The following RNGTT variants were observed in gnomAD, a reference collection of about 807,000 sequenced individuals.
The protein encoded by RNGTT is mRNA-capping enzyme.
In RNGTT, 33 loss-of-function variants were observed where a neutral mutation model predicts 79.3. The observed-to-expected ratio is 0.42, with a 90% CI of 0.32 to 0.56. RNGTT has a LOEUF of 0.56. Ranked by LOEUF, RNGTT falls within the 20% of genes least tolerant of loss-of-function variation. RNGTT has a pLI of 0.17. For missense variants in RNGTT, 497 were observed against 739.1 expected (o/e 0.67, Z 3.80); for synonymous variants, 222 against 235.9 (o/e 0.94, Z 0.54).
intron 8 of RNGTT, among the ~76,000 whole-genome samples, chr6:88,872,675 G>A (rs775639724): frequency 6.6e-6 from 1 of 152,072 alleles, no homozygotes; most frequent in Non-Finnish European, 1.5e-5. Context: ...GGTAATTTTA[G>A]GGTAATTTAT....
chr6:88,852,251 T>C (rs1055527803), intron 9 of RNGTT, among the ~76,000 whole-genome samples: 31 of 152,086 alleles, frequency 2.0e-4, no homozygotes, highest in African/African-American at 7.2e-4. Context: ...CTCTAAGCAA[T>C]ACCCGTACTC....
At chr6:88,668,230 C>T (rs1483903965) in intron 14 of RNGTT, among the ~76,000 whole-genome samples, 1 of 152,152 alleles carries the variant, frequency 6.6e-6, no homozygotes, top group Non-Finnish European at 1.5e-5. Flanking sequence ...CCACTCCCAC[C>T]ACCATGAAGG....
intron 14 of RNGTT, among the ~76,000 whole-genome samples, chr6:88,644,155 A>C (rs984524751): frequency 8.5e-5 from 13 of 152,210 alleles, no homozygotes; most frequent in Non-Finnish European, 1.6e-4. Flanking sequence ...CACAATAAAA[A>C]ATGACAAAGG....
At chr6:88,621,515 A>C in intron 14 of RNGTT, among the ~76,000 whole-genome samples, 1 of 151,944 alleles carries the variant, frequency 6.6e-6, no homozygotes, top group South Asian at 2.1e-4. Context: ...CCACCTCCCC[A>C]AAAACAAAAT....
intron 8 of RNGTT, among the ~76,000 whole-genome samples, chr6:88,885,582 A>G (rs1188396964): frequency 6.6e-6 from 1 of 152,234 alleles, no homozygotes; most frequent in African/African-American, 2.4e-5. Flanking sequence ...TAACTGTTTC[A>G]GGTAAGAATC....
At chr6:88,653,747 A>G (rs1773878270) in intron 14 of RNGTT, among the ~76,000 whole-genome samples, 2 of 152,188 alleles carry the variant, frequency 1.3e-5, no homozygotes, top group Admixed American at 1.3e-4. Context: ...AACAAAGCCC[A>G]CTTGGCTTTC....
At chr6:88,899,967 C>A (rs1562309984) in intron 6 of RNGTT, among the ~76,000 whole-genome samples, 1 of 152,144 alleles carries the variant, frequency 6.6e-6, no homozygotes, top group Non-Finnish European at 1.5e-5. Flanking sequence ...AAACTAAAGT[C>A]TAGTTTCTAA....
chr6:88,940,265 G>C lies in RNGTT; in HGVS notation c.174+806C>G, dbSNP rs1234596898. 2.0e-5 allele frequency among the ~76,000 whole-genome samples: 3 copies of C among 151,922 alleles called. No individual in the cohort carries two copies. In the East Asian group the frequency reaches 5.8e-4, roughly 29 times the overall value. On this transcript the variant is annotated intron_variant, in intron 2 of 15. Coordinates refer to ENST00000369485, the MANE Select transcript of RNGTT (RefSeq NM_003800.5). ...GGCTAATTTTTGTATTTTTAGTAGA[G>C]ACAGGTTTTTGCCATGTTGGCCAGG...
chr6:88,826,850 G>A (rs1485220634), intron 11 of RNGTT, among the ~76,000 whole-genome samples: 2 of 143,818 alleles, frequency 1.4e-5, no homozygotes, highest in East Asian at 2.0e-4. Flanking sequence ...ATATATGTGT[G>A]TGTGTATATA....
intron 14 of RNGTT, among the ~76,000 whole-genome samples, chr6:88,658,982 C>A (rs147407990): frequency 1.3e-5 from 2 of 152,216 alleles, no homozygotes; most frequent in Non-Finnish European, 2.9e-5. Context: ...AGCTTGCAGA[C>A]GGCCTATTGT....
rs998193362 is a variant in RNGTT, at chr6:88,899,276, T to C, written c.684+5439A>G. Among the ~76,000 whole-genome samples the C allele has an allele frequency of 2.0e-5, 3 of 152,028 alleles. No individual in the cohort carries two copies. In the East Asian group the frequency reaches 5.8e-4, roughly 29 times the overall value. ...AGAGAAAGAAGGTTTCGGCTTTTTT[T>C]TTTTGAGACAGCCTATCACTCTGTC... On this transcript the variant is annotated intron_variant, in intron 6 of 15. Coordinates refer to ENST00000369485, the MANE Select transcript of RNGTT (RefSeq NM_003800.5).
rs1772083518 is a variant in RNGTT at position 88,612,857 on chromosome 6, A to G, written c.1656T>C (p.Pro552=). 7 of 1,613,882 alleles carry G rather than the reference A, an allele frequency of 4.3e-6. No homozygotes were observed. In the African/African-American group the frequency reaches 6.7e-5, roughly 15 times the overall value. The change falls in exon 16 of 16, where the codon CCT becomes CCC. Residue 552 remains proline (P), a synonymous_variant. Coordinates refer to ENST00000369485, the MANE Select transcript of RNGTT (RefSeq NM_003800.5). ...ACTCAAACAGCATCTCCTTGGTGAC[A>G]GGGTTTGAGATGCTGTTACACACAG... The part of the protein sequence containing the change: ...AMAVCNSISN[P]VTKEMLFEFI...
chr6:88,840,637 G>A (rs114610544), intron 11 of RNGTT, among the ~76,000 whole-genome samples: 3,165 of 152,238 alleles, frequency 0.021, 124 homozygotes, highest in African/African-American at 0.07. Context: ...GGGCACAAGC[G>A]ATCCAAGTGC....
At chr6:88,930,603 T>G (rs886807057) in intron 2 of RNGTT, among the ~76,000 whole-genome samples, 1 of 152,050 alleles carries the variant, frequency 6.6e-6, no homozygotes. Flanking sequence ...CACACATTCA[T>G]AAAAAATGTC....
At chr6:88,734,220 T>C (rs1777209668) in intron 13 of RNGTT, among the ~76,000 whole-genome samples, 2 of 152,070 alleles carry the variant, frequency 1.3e-5, no homozygotes, top group Non-Finnish European at 2.9e-5. Context: ...GCACAAGCAC[T>C]ACCCACAAAG....
At chr6:88,694,894 A>T (rs941285519) in intron 13 of RNGTT, among the ~76,000 whole-genome samples, 1 of 152,062 alleles carries the variant, frequency 6.6e-6, no homozygotes, top group Non-Finnish European at 1.5e-5. Flanking sequence ...CTAATCACAT[A>T]CTAGCCCCTT....
intron 8 of RNGTT, among the ~76,000 whole-genome samples, chr6:88,860,359 T>G (rs1582553030): frequency 6.6e-6 from 1 of 152,184 alleles, no homozygotes; most frequent in East Asian, 1.9e-4. Flanking sequence ...TGAGTTTAGA[T>G]GGAAACCAAA....
At chr6:88,945,047 C>G (rs536965662) in intron 1 of RNGTT, among the ~76,000 whole-genome samples, 51 of 152,350 alleles carry the variant, frequency 3.3e-4, no homozygotes, top group Non-Finnish European at 5.9e-4. Flanking sequence ...CCTTGGTAGA[C>G]GGGCTGATGA....
At chr6:88,878,279 T>C (rs577706638) in intron 8 of RNGTT, among the ~76,000 whole-genome samples, 10 of 152,054 alleles carry the variant, frequency 6.6e-5, no homozygotes, top group African/African-American at 2.4e-4. Flanking sequence ...TATTTTTTAG[T>C]AGACACAGGT....
Sources: gnomAD v4.1 joint callset for allele counts (sites outside exome capture counted in the v4.1 genomes callset) on GRCh38, gnomAD v4.1.1 for gene constraint, MANE v1.5 for transcripts, NCBI Gene and HGNC (gene_info 2026-07-23, HGNC 2026-07-21) for gene names.